The following PDE6A variants were observed in gnomAD, a reference collection of about 807,000 sequenced individuals.
PDE6A encodes the protein phosphodiesterase 6A, also known as rod cGMP-specific 3',5'-cyclic phosphodiesterase subunit alpha.
Under a neutral mutation model 106.3 loss-of-function variants are expected in PDE6A, and 84 were observed. The ratio of observed to expected loss-of-function variants is 0.79; its 90% CI spans 0.66 to 0.95. PDE6A has a LOEUF of 0.95. PDE6A is among the 40% of genes least tolerant of loss of function. The pLI is 0.00. For missense variants in PDE6A, 1,052 were observed against 1,084.9 expected, an observed-to-expected ratio of 0.97 and a Z score of 0.43; for synonymous variants, 394 against 386.6, an observed-to-expected ratio of 1.02 and a Z score of -0.23.
At chr5:149,910,360 A>G (rs73798323) in intron 6 of PDE6A, among the ~76,000 whole-genome samples, 2 of 152,170 alleles carry the variant, frequency 1.3e-5, no homozygotes, top group Non-Finnish European at 2.9e-5. Flanking sequence ...GGGAGTAATC[A>G]TTGTTGACTA....
intron 8 of PDE6A, among the ~76,000 whole-genome samples, chr5:149,903,147 T>TCAA (rs1753043838): frequency 1.1e-5 from 1 of 90,982 alleles, no homozygotes; most frequent in Non-Finnish European, 2.1e-5. Context: ...AGACCCTCTC[T>TCAA]AAAAAAAAAA....
In PDE6A at chr5:149,886,472, A is replaced by AT. The variant is rs932416473; in HGVS notation, c.1729-99_1729-98insA. 24 of 843,128 alleles carry AT rather than the reference A, an allele frequency of 2.8e-5. No individual in the cohort carries two copies. The African/African-American group carries it at 3.5e-4, about 12-fold the overall frequency. 52.2% of individuals were successfully genotyped at this position (843,128 alleles called of 1,614,324 possible). On this transcript the variant is annotated intron_variant, in intron 13 of 21. Transcript: ENST00000255266. ...AAGGAGGAGGGCCCAGAACTAAAAAACTCATGGGTCTGATCTTGGCTGTAT... is the reference window on the plus strand; with the variant it reads ...AAGGAGGAGGGCCCAGAACTAAAAAATCTCATGGGTCTGATCTTGGCTGTAT...
Position 149,888,052 on chromosome 5 carries a change from G to A in PDE6A, c.1729-1678C>T, listed in dbSNP as rs892252435. The stretch of plus-strand genomic sequence containing the variant: ...TGTGGGAGGGTGAGGTGGGAGGATC[G>A]CTTGAGCCCAGGAGGTCAAGGCTGC... On this transcript the variant is annotated intron_variant, in intron 13 of 21. Transcript: ENST00000255266. Among the ~76,000 whole-genome samples the A allele has an allele frequency of 5.3e-5, 8 of 152,184 alleles. No individual in the cohort carries two copies. The South Asian group carries it at 1.2e-3, about 24-fold the overall frequency.
intron 21 of PDE6A, 130 bp from the exon 22 acceptor site, chr5:149,861,101 G>T (rs1278797366): frequency 1.3e-6 from 1 of 743,220 alleles, no homozygotes; most frequent in Non-Finnish European, 2.4e-6. Flanking sequence ...AACACATGCA[G>T]AAGGCAAACC....
intron 17 of PDE6A, among the ~76,000 whole-genome samples, chr5:149,875,485 C>CTTTTTTT (rs1438091330): frequency 1.3e-5 from 2 of 148,204 alleles, no homozygotes; most frequent in African/African-American, 5.1e-5. Flanking sequence ...TACATACTGA[C>CTTTTTTT]TATTTTTTTT....
chr5:149,873,272 GC>G (rs1760624420), intron 17 of PDE6A, among the ~76,000 whole-genome samples: 1 of 151,878 alleles, frequency 6.6e-6, no homozygotes, highest in African/African-American at 2.4e-5. Flanking sequence ...AAAGAATACA[GC>G]TTTATTTATG....
intron 6 of PDE6A, 140 bp downstream of exon 6, chr5:149,914,803 T>G (rs1029316707): frequency 1.4e-6 from 1 of 707,252 alleles, no homozygotes; most frequent in African/African-American, 1.8e-5. Flanking sequence ...AGTCCTTCTC[T>G]GTCTATAAAG....
chr5:149,935,806 G>A (rs1388857669), intron 1 of PDE6A, among the ~76,000 whole-genome samples: 4 of 152,168 alleles, frequency 2.6e-5, no homozygotes, highest in African/African-American at 9.7e-5. Flanking sequence ...CTCAGCTCAC[G>A]CCGTTCTGAG....
At chr5:149,899,349 G>A in intron 9 of PDE6A, 26 bp downstream of exon 9, 1 of 1,613,282 alleles carries the variant, frequency 6.2e-7, no homozygotes, top group South Asian at 1.1e-5. Context: ...AATCCCAACA[G>A]CAAAAGGCCT....
chr5:149,916,608 C>T lies in PDE6A; in HGVS notation c.934-1601G>A, dbSNP rs557018729. Reference sequence around the variant, plus strand: ...AGCAGAGCTCTTCAATTACATTACTCTCTAGCATGCAATTGGATGTTGGCA... The same window carrying T: ...AGCAGAGCTCTTCAATTACATTACTTTCTAGCATGCAATTGGATGTTGGCA... On this transcript the variant is annotated intron_variant, in intron 5 of 21. Coordinates refer to ENST00000255266, the MANE Select transcript of PDE6A (RefSeq NM_000440.3). 1.2e-4 allele frequency among the ~76,000 whole-genome samples: 19 copies of T among 152,296 alleles called. 3 individuals carry two copies. In the South Asian group the frequency reaches 3.9e-3, roughly 32 times the overall value.
intron 10 of PDE6A, among the ~76,000 whole-genome samples, chr5:149,897,447 G>C (rs1429490531): frequency 6.6e-6 from 1 of 152,220 alleles, no homozygotes; most frequent in South Asian, 2.1e-4. Context: ...TGTGGACTGA[G>C]TCAAGCAAAC....
intron 1 of PDE6A, among the ~76,000 whole-genome samples, chr5:149,943,212 G>A (rs548538053): frequency 1.2e-3 from 177 of 152,174 alleles, no homozygotes; most frequent in African/African-American, 4.0e-3. Context: ...GGAGAATGGC[G>A]ATGACTTTTA....
chr5:149,896,567 C>A, intron 11 of PDE6A, 65 bp from the exon 12 acceptor site: 1 of 1,613,906 alleles, frequency 6.2e-7, no homozygotes, highest in Non-Finnish European at 8.5e-7. Context: ...CACCTCCTGT[C>A]CAGCCCTGTC....
At chr5:149,904,947 A>G (rs1296800893) in intron 7 of PDE6A, among the ~76,000 whole-genome samples, 1 of 151,928 alleles carries the variant, frequency 6.6e-6, no homozygotes, top group Non-Finnish European at 1.5e-5. Context: ...CTCGTTACCC[A>G]TCCACTACTC....
In PDE6A at chr5:149,918,326, AG is replaced by A. The variant is rs376284107; in HGVS notation, c.933+3308del. On this transcript the variant is annotated intron_variant, in intron 5 of 21. Transcript: ENST00000255266. Reference sequence around the variant, plus strand: ...TTGCTGTGCCTGTGCTGAAAGGGAAAGGTGACAAAATATTCAGTTAAGTGAA... The same window carrying A: ...TTGCTGTGCCTGTGCTGAAAGGGAAAGTGACAAAATATTCAGTTAAGTGAA... Among the ~76,000 whole-genome samples the A allele has an allele frequency of 3.0e-4, 45 of 152,366 alleles. No homozygotes were observed. In the East Asian group the frequency reaches 6.2e-3, roughly 21 times the overall value.
In PDE6A at chr5:149,858,462, A is replaced by T. The variant is rs1163898054; in HGVS notation, c.*2433T>A. 3 of 152,238 alleles carry T rather than the reference A, an allele frequency of 2.0e-5. No individual in the cohort carries two copies. The East Asian group carries it at 5.8e-4, about 29-fold the overall frequency. 9.4% of individuals were successfully genotyped at this position (152,238 alleles called of 1,614,324 possible). The stretch of plus-strand genomic sequence containing the variant: ...AGGTATTGCATACTTGCCAGAACAT[A>T]CTTAGATTCGGTTTAAAAGAAATAA... On this transcript the variant is annotated 3_prime_UTR_variant, in exon 22 of 22. Coordinates refer to ENST00000255266, the MANE Select transcript of PDE6A (RefSeq NM_000440.3).
chr5:149,899,709 T>C (rs1752897077), intron 8 of PDE6A, among the ~76,000 whole-genome samples, 185 bp from the exon 9 acceptor site: 1 of 152,174 alleles, frequency 6.6e-6, no homozygotes, highest in Non-Finnish European at 1.5e-5. Context: ...CTGGTCGGAA[T>C]TCCTTAAGCC....
intron 10 of PDE6A, among the ~76,000 whole-genome samples, chr5:149,897,187 C>T (rs557571828): frequency 2.0e-5 from 3 of 152,336 alleles, no homozygotes; most frequent in East Asian, 3.9e-4. Context: ...TTGATAGTTT[C>T]ATTGTTACTA....
chr5:149,936,464 C>T (rs1281723454), intron 1 of PDE6A, among the ~76,000 whole-genome samples: 1 of 152,162 alleles, frequency 6.6e-6, no homozygotes, highest in East Asian at 1.9e-4. Flanking sequence ...GTGGAGTATG[C>T]TCAGATTCAT....
Sources: gnomAD v4.1 joint callset for allele counts (sites outside exome capture counted in the v4.1 genomes callset) on GRCh38, gnomAD v4.1.1 for gene constraint, MANE v1.5 for transcripts, NCBI Gene and HGNC (gene_info 2026-07-23, HGNC 2026-07-21) for gene names.